OR7E24: variants seen among roughly 807,000 people sequenced by gnomAD.
OR7E24 encodes the protein olfactory receptor family 7 subfamily E member 24.
For missense variants in OR7E24, 385 were observed against 410.3 expected (o/e 0.94, Z 0.53); for synonymous variants, 130 against 157.5 (o/e 0.83, Z 1.31).
chr19:9,228,095 C>T, the OR7E24 span, among the ~76,000 whole-genome samples: 11 of 152,204 alleles, frequency 7.2e-5, no homozygotes, highest in African/African-American at 2.4e-4. Context: ...AATCATCACA[C>T]TGTCTTCCAT....
the OR7E24 span, among the ~76,000 whole-genome samples, chr19:9,237,607 G>T: frequency 2.0e-5 from 3 of 152,032 alleles, no homozygotes; most frequent in Non-Finnish European, 2.9e-5. Context: ...GAGCCACCGC[G>T]CCCGGCCTAG....
the OR7E24 span, chr19:9,214,601 G>A: frequency 3.7e-6 from 6 of 1,613,998 alleles, no homozygotes; most frequent in African/African-American, 8.0e-5. Flanking sequence ...CTAGCATCTT[G>A]GGGACTGTGG....
the OR7E24 span, among the ~76,000 whole-genome samples, chr19:9,220,190 A>G: frequency 6.6e-6 from 1 of 152,166 alleles, no homozygotes; most frequent in East Asian, 1.9e-4. Flanking sequence ...TCCTGGTGAG[A>G]ACACTTAATA....
At chr19:9,235,597 A>C in the OR7E24 span, 1 of 1,565,382 alleles carries the variant, frequency 6.4e-7, no homozygotes, top group Non-Finnish European at 8.8e-7. Context: ...TTGGTTCATC[A>C]TTTTCTGGTT....
the OR7E24 span, among the ~76,000 whole-genome samples, chr19:9,240,540 C>T: frequency 6.6e-6 from 1 of 152,104 alleles, no homozygotes; most frequent in Admixed American, 6.6e-5. Flanking sequence ...GCCATAAATT[C>T]ATTGATTCAT....
At chr19:9,214,918 T>C in the OR7E24 span, 1 of 768,280 alleles carries the variant, frequency 1.3e-6, no homozygotes, top group African/African-American at 1.7e-5. Flanking sequence ...GTCATCACTT[T>C]ACAATATCAC....
chr19:9,239,212 C>T, the OR7E24 span, among the ~76,000 whole-genome samples: 3 of 151,910 alleles, frequency 2.0e-5, no homozygotes, highest in Non-Finnish European at 4.4e-5. Flanking sequence ...CTCTGTTGCC[C>T]AGGCTGGAGT....
chr19:9,233,274 A>T, the OR7E24 span, among the ~76,000 whole-genome samples: 1 of 152,198 alleles, frequency 6.6e-6, no homozygotes. Flanking sequence ...TTTTTCTACC[A>T]TGGTAAATGT....
chr19:9,221,924 T>C, the OR7E24 span, among the ~76,000 whole-genome samples: 1 of 152,238 alleles, frequency 6.6e-6, no homozygotes. Context: ...TTTCCTCTTT[T>C]GTTATTTTCT....
rs776853503 is a variant in OR7E24 at position 9,251,688 on chromosome 19, G to A, written c.645G>A (p.Met215Ile). 16 of 1,613,414 alleles carry A rather than the reference G, an allele frequency of 9.9e-6. No homozygotes were observed. The highest frequency in any genetic ancestry group is 1.4e-5 in the Non-Finnish European group (16 of 1,179,702). The change falls in exon 1 of 1, where the codon ATG becomes ATA. Residue 215 changes from methionine (M) to isoleucine (I), a missense_variant. Coordinates refer to ENST00000456448, the MANE Select transcript of OR7E24 (RefSeq NM_001079935.2). ...LRCSDTFINEMVIYFMGAIFG... is the reference protein window; with the variant it reads ...LRCSDTFINEIVIYFMGAIFG... ...GTTCCGACACCTTCATCAATGAAAT[G>A]GTCATATATTTCATGGGTGCCATAT...
the OR7E24 span, among the ~76,000 whole-genome samples, chr19:9,239,325 A>G: frequency 2.0e-5 from 3 of 151,766 alleles, no homozygotes; most frequent in Admixed American, 6.6e-5. Context: ...ACCCGCCACC[A>G]TGCCTGGCAA....
the OR7E24 span, among the ~76,000 whole-genome samples, chr19:9,223,580 C>T: frequency 1.1e-3 from 165 of 152,144 alleles, no homozygotes; most frequent in Admixed American, 2.2e-3. Flanking sequence ...CCAGATGTGC[C>T]GCTTGCAGTT....
the OR7E24 span, chr19:9,214,889 G>C: frequency 1.9e-6 from 2 of 1,034,926 alleles, no homozygotes; most frequent in East Asian, 4.8e-5. Context: ...TTAATGAACA[G>C]CAAGTGGCAG....
At chr19:9,229,913 ACAAT>A in the OR7E24 span, among the ~76,000 whole-genome samples, 2 of 151,992 alleles carry the variant, frequency 1.3e-5, no homozygotes, top group Non-Finnish European at 2.9e-5. Context: ...AGCATCAGTG[ACAAT>A]CAGAGTCAGT....
the OR7E24 span, among the ~76,000 whole-genome samples, chr19:9,221,340 C>CTT: frequency 5.4e-3 from 439 of 81,200 alleles, 137 homozygotes; most frequent in African/African-American, 0.026. Context: ...GTCTTTTGCC[C>CTT]TTTTTTTTTT....
At chr19:9,233,970 A>T in the OR7E24 span, among the ~76,000 whole-genome samples, 13 of 150,410 alleles carry the variant, frequency 8.6e-5, no homozygotes, top group Admixed American at 8.7e-4. Flanking sequence ...GTGGCACGAT[A>T]TCAGCTCCCT....
the OR7E24 span, chr19:9,213,160 T>C: frequency 6.6e-5 from 10 of 152,302 alleles, no homozygotes; most frequent in South Asian, 2.1e-3. Context: ...TCATTTTATT[T>C]CCTATCCAGA....
chr19:9,214,185 TAGG>T, the OR7E24 span: 34 of 1,613,918 alleles, frequency 2.1e-5, no homozygotes, highest in East Asian at 6.0e-4. Flanking sequence ...AATCTGAGAG[TAGG>T]AGAAGAGGAT....
the OR7E24 span, among the ~76,000 whole-genome samples, chr19:9,218,232 T>C: frequency 6.6e-6 from 1 of 151,694 alleles, no homozygotes; most frequent in African/African-American, 2.4e-5. Context: ...GTTTAAGACA[T>C]GTTTGAATAT....
Sources: allele counts gnomAD v4.1 joint callset (sites outside exome capture counted in the v4.1 genomes callset), GRCh38; gene constraint gnomAD v4.1.1; transcripts MANE v1.5; gene names NCBI Gene and HGNC (gene_info 2026-07-23, HGNC 2026-07-21).